Variants in TRIM29 observed in about 807,000 individuals in gnomAD.
The protein encoded by TRIM29 is tripartite motif-containing protein 29.
Under a neutral mutation model 57.3 loss-of-function variants are expected in TRIM29, and 52 were observed. That is an observed-to-expected ratio of 0.91 (90% CI 0.73 to 1.14). TRIM29 has a LOEUF of 1.14. Among genes scored for constraint, TRIM29 ranks in the 50% most tolerant of loss-of-function variants. The probability of loss-of-function intolerance (pLI) is 0.00; values close to 1 mark genes in which losing one functional copy is unlikely to be tolerated. For synonymous variants in TRIM29, 319 were observed against 316.9 expected (o/e 1.01, Z -0.07); for missense variants, 753 against 774.6 (o/e 0.97, Z 0.33).
intron 1 of TRIM29, among the ~76,000 whole-genome samples, chr11:120,130,389 G>A (rs528518940): frequency 1.3e-5 from 2 of 152,316 alleles, no homozygotes; most frequent in South Asian, 2.1e-4. Context: ...AAGGTCTGAT[G>A]GAAAGGAAAG....
In TRIM29 at chr11:120,120,625, G is replaced by A; in HGVS notation, c.1476C>T (p.Arg492=). 6.2e-7 allele frequency: 1 copy of A among 1,613,840 alleles called. No homozygotes were observed. ...RTSYQPSSPG[R]FTKETTQKNF... ...TCTTCTGGGTGGTCTCCTTGGTGAA[G>A]CGGCCAGGAGACGAGGGCTGGTATG... Residue 492 remains arginine, a synonymous_variant, in exon 6 of 9, where the codon CGC becomes CGT. Coordinates refer to ENST00000341846, the MANE Select transcript of TRIM29 (RefSeq NM_012101.4).
intron 5 of TRIM29, among the ~76,000 whole-genome samples, chr11:120,122,205 C>T (rs1362193071): frequency 6.6e-6 from 1 of 151,686 alleles, no homozygotes; most frequent in Admixed American, 6.6e-5. Flanking sequence ...CGGAGGCTTC[C>T]CCCTCCCCAG....
chr11:120,121,024 T>TCA (rs1863432591), intron 5 of TRIM29: 2 of 376,094 alleles, frequency 5.3e-6, no homozygotes, highest in Non-Finnish European at 1.0e-5. Context: ...TCCCGGGAGA[T>TCA]CAGAGCCTCA....
intron 1 of TRIM29, among the ~76,000 whole-genome samples, chr11:120,136,926 C>T (rs1199796764): frequency 6.6e-6 from 1 of 152,188 alleles, no homozygotes; most frequent in Non-Finnish European, 1.5e-5. Flanking sequence ...TACTCTCTAA[C>T]CTGACTCGAA....
intron 5 of TRIM29, among the ~76,000 whole-genome samples, chr11:120,122,730 G>A (rs1863489028): frequency 1.3e-5 from 2 of 152,194 alleles, no homozygotes; most frequent in African/African-American, 4.8e-5. Flanking sequence ...TGAGGAGCTG[G>A]CACCAGGTAA....
At chr11:120,129,208 G>C (rs566146198) in intron 1 of TRIM29, among the ~76,000 whole-genome samples, 1 of 152,296 alleles carries the variant, frequency 6.6e-6, no homozygotes, top group Admixed American at 6.5e-5. Context: ...GGAAGAGGTT[G>C]TATCAGTAGC....
intron 8 of TRIM29, among the ~76,000 whole-genome samples, chr11:120,113,871 C>A (rs562943749): frequency 6.6e-6 from 1 of 152,256 alleles, no homozygotes; most frequent in South Asian, 2.1e-4. Flanking sequence ...ATGGCATTGT[C>A]TGGTTAAAAG....
At chr11:120,128,803 G>A in intron 1 of TRIM29, 2 of 1,530,262 alleles carry the variant, frequency 1.3e-6, no homozygotes, top group Non-Finnish European at 1.7e-6. Flanking sequence ...AAGAGCAGGA[G>A]GGAAACTCAT....
At chr11:120,115,495 T>C in intron 7 of TRIM29, 81 bp from the exon 8 acceptor site, 1 of 1,211,796 alleles carries the variant, frequency 8.3e-7, no homozygotes, top group Non-Finnish European at 1.2e-6. Context: ...ACAGCTGCCT[T>C]CTCCAAAGTG....
At chr11:120,120,807 C>T (rs1429020758) in intron 5 of TRIM29, 142 bp from the exon 6 acceptor site, 1 of 731,030 alleles carries the variant, frequency 1.4e-6, no homozygotes, top group South Asian at 1.5e-5. Flanking sequence ...ATAAGTCAAT[C>T]AACTAATTTA....
At position 120,112,205 on chromosome 11, in the gene TRIM29, C is replaced by T. The variant is rs1565310527; in HGVS notation, c.*209G>A. 1 of 543,364 alleles carries T rather than the reference C, an allele frequency of 1.8e-6. No homozygotes were observed. Among genetic ancestry groups the T allele is most frequent in the Non-Finnish European group, 3.3e-6 (1 of 305,676 alleles). The allele number at this position is 543,364 out of a possible 1,614,324, so 33.7% of individuals were successfully genotyped here. A position where few individuals can be genotyped will look rare whatever the true frequency, so the allele number is the denominator to read the frequency against. ...GAATGATGGTGACCATCTGAGGTCA[C>T]AAGGCAGGAAAGGAGTCTGAATGGA... On this transcript the variant is annotated 3_prime_UTR_variant, in exon 9 of 9. Transcript: ENST00000341846.
intron 3 of TRIM29, among the ~76,000 whole-genome samples, chr11:120,126,617 C>T (rs750225181): frequency 3.3e-5 from 5 of 152,106 alleles, no homozygotes; most frequent in East Asian, 1.9e-4. Flanking sequence ...TACTCCTCAC[C>T]GAAGACTCTG....
chr11:120,137,415 G>A lies in TRIM29; in HGVS notation c.617C>T (p.Ala206Val), dbSNP rs1418383680. ...GAGCAGCTGGTGGTCTCGGAAGGCG[G>A]CGCCCTCCAGGTGGGGCTTGAGATG... ...ELHLKPHLEG[A>V]AFRDHQLLEP... The change falls in exon 1 of 9, where the codon GCC (alanine) becomes GTC (valine). Residue 206 changes from alanine to valine, a missense_variant. Ala to Val is a moderately conservative substitution (Grantham distance 64, BLOSUM62 0). Transcript: ENST00000341846. This position sits in a 1 kb window ranked among gnomAD's most constrained non-coding sequence, Gnocchi z 6.2. The A allele has an allele frequency of 5.6e-6, 9 of 1,610,328 alleles. No homozygotes were observed. Among genetic ancestry groups the A allele is most frequent in the Non-Finnish European group, 6.8e-6 (8 of 1,180,002 alleles).
chr11:120,133,088 A>T (rs1021366982), intron 1 of TRIM29, among the ~76,000 whole-genome samples: 1 of 152,068 alleles, frequency 6.6e-6, no homozygotes, highest in Non-Finnish European at 1.5e-5. Flanking sequence ...CTTGTGGTGA[A>T]ATTGGACTAG....
At chr11:120,131,227 G>A (rs368556202) in intron 1 of TRIM29, among the ~76,000 whole-genome samples, 1 of 152,146 alleles carries the variant, frequency 6.6e-6, no homozygotes, top group African/African-American at 2.4e-5. Flanking sequence ...CTCCCCAGGT[G>A]AGCGTGGATT....
intron 6 of TRIM29, 53 bp from the exon 7 acceptor site, chr11:120,118,374 A>G: frequency 7.1e-7 from 1 of 1,408,170 alleles, no homozygotes. Context: ...GTGGGAGAGG[A>G]GGCAGGACCA....
At chr11:120,114,829 C>CTGGCCTCGGGT (rs781695116) in intron 8 of TRIM29, among the ~76,000 whole-genome samples, 3 of 152,190 alleles carry the variant, frequency 2.0e-5, no homozygotes, top group Non-Finnish European at 2.9e-5. Flanking sequence ...TCTGATATGC[C>CTGGCCTCGGGT]TGGCCTCGGG....
At chr11:120,116,461 TCCTGC>T (rs1407984429) in intron 7 of TRIM29, 1 of 152,508 alleles carries the variant, frequency 6.6e-6, no homozygotes. Flanking sequence ...AAAGCCCCTC[TCCTGC>T]CCTGCTCTAA....
chr11:120,133,934 T>G (rs973873283), intron 1 of TRIM29, among the ~76,000 whole-genome samples: 1 of 151,926 alleles, frequency 6.6e-6, no homozygotes, highest in East Asian at 1.9e-4. Context: ...GCAGGCCAGA[T>G]CCATGACAGT....
Sources: allele counts gnomAD v4.1 joint callset (sites outside exome capture counted in the v4.1 genomes callset), GRCh38; gene constraint gnomAD v4.1.1; non-coding constraint Gnocchi (gnomAD v3.1); transcripts MANE v1.5; gene names NCBI Gene and HGNC (gene_info 2026-07-23, HGNC 2026-07-21).